JAKMIP3: variants seen among roughly 807,000 people sequenced by gnomAD.
JAKMIP3 encodes the protein janus kinase and microtubule-interacting protein 3.
Under a neutral mutation model 118.5 loss-of-function variants are expected in JAKMIP3, and 58 were observed. The ratio of observed to expected loss-of-function variants is 0.49; its 90% confidence interval spans 0.40 to 0.61. The LOEUF is 0.61. Among genes scored for constraint, JAKMIP3 ranks in the 20% least tolerant of loss-of-function variants. The pLI, the probability that JAKMIP3 is intolerant of heterozygous loss-of-function variation, is 0.00. For synonymous variants in JAKMIP3, 486 were observed against 451.2 expected, an observed-to-expected ratio of 1.08 and a Z score of -0.98; for missense variants, 950 against 1,109.0, an observed-to-expected ratio of 0.86 and a Z score of 2.04.
chr10:132,112,563 C>T lies in JAKMIP3; in HGVS notation c.136-4514C>T, dbSNP rs539962590. Among the ~76,000 whole-genome samples the T allele has an allele frequency of 3.3e-5, 5 of 152,152 alleles. No homozygotes were observed. Among genetic ancestry groups the T allele is most frequent in the African/African-American group, 7.2e-5 (3 of 41,424 alleles). ...TTCAGTGTTTTTGTCTACAAAGTCC[C>T]GCTTGGCTCTGTGTTCACAGAGATT... On this transcript the variant is annotated intron_variant, in intron 2 of 23. Transcript: ENST00000684848. The surrounding 1 kb of genome is among the most constrained non-coding windows in gnomAD (Gnocchi z 4.3).
rs761267839 is a variant in JAKMIP3, at chr10:132,117,725, G to T, written c.633+151G>T. 6.6e-6 allele frequency among the ~76,000 whole-genome samples: 1 copy of T among 152,100 alleles called. No homozygotes were observed. Among genetic ancestry groups the T allele is most frequent in the Non-Finnish European group, 1.5e-5 (1 of 68,006 alleles). Reference sequence around the variant, plus strand: ...ACCCCCCATGACATTCTTAGCACAGGCTCCTCATGCCACCCCTGTTGGTTT... The same window carrying T: ...ACCCCCCATGACATTCTTAGCACAGTCTCCTCATGCCACCCCTGTTGGTTT... On this transcript the variant is annotated intron_variant, in intron 3 of 23. Coordinates refer to ENST00000684848, the MANE Select transcript of JAKMIP3 (RefSeq NM_001323087.2). The surrounding 1 kb of genome is among the most constrained non-coding windows in gnomAD (Gnocchi z 8.6).
At chr10:132,065,524 C>T (rs533733089), upstream of JAKMIP3, among the ~76,000 whole-genome samples, 24 of 152,222 alleles carry the variant, frequency 1.6e-4, 1 homozygote, top group East Asian at 7.8e-4. The surrounding 1 kb of genome is among the most constrained non-coding windows in gnomAD (Gnocchi z 5.6). Context: ...GGTCCTGGAG[C>T]AGCCAGGAAG....
Position 132,118,176 on chromosome 10 carries a change from GT to G in JAKMIP3, c.633+606del, listed in dbSNP as rs913783474. ...TTGGGCTGGACCAGATGAGCTGCCG[GT>G]TTTGTGGATCAATGAGGTCTAACGT... On this transcript the variant is annotated intron_variant, in intron 3 of 23. Coordinates refer to ENST00000684848, the MANE Select transcript of JAKMIP3 (RefSeq NM_001323087.2). The surrounding 1 kb of genome is among the most constrained non-coding windows in gnomAD (Gnocchi z 4.8). Among the ~76,000 whole-genome samples, 1 of 152,184 alleles carries G rather than the reference GT, an allele frequency of 6.6e-6. No individual in the cohort carries two copies. The highest frequency in any genetic ancestry group is 2.4e-5 in the African/African-American group (1 of 41,434).
chr10:132,153,627 G>T, intron 17 of JAKMIP3, 132 bp from the exon 18 acceptor site: 2 of 848,848 alleles, frequency 2.4e-6, no homozygotes, highest in Non-Finnish European at 4.0e-6. Context: ...CCTGGAGAGG[G>T]CTGTGCTCTC....
intron 1 of JAKMIP3, among the ~76,000 whole-genome samples, chr10:132,103,409 AGAGGAGCAGCTGGAGGG>A (rs1002120821): frequency 5.6e-5 from 4 of 71,602 alleles, no homozygotes; most frequent in African/African-American, 8.0e-5. Flanking sequence ...CACCTGGGGG[AGAGGAGCAGCTGGAGGG>A]GAGGAGCACC....
chr10:132,043,110 T>C (rs1294831506), intron 1 of JAKMIP3, among the ~76,000 whole-genome samples: 1 of 152,242 alleles, frequency 6.6e-6, no homozygotes, highest in East Asian at 1.9e-4. Context: ...ACAAAAGGCT[T>C]TTCCTGGTTG....
chr10:132,040,772 C>T lies in JAKMIP3; in HGVS notation c.-138+4034C>T, dbSNP rs191626142. ...CCCTTGGTGGTTGGTGCAGGTTCAG[C>T]GCAGAATAGCAGATTTCTGGAGGTT... On this transcript the variant is annotated intron_variant, in intron 1 of 23. Transcript: ENST00000657785. 5.9e-3 allele frequency among the ~76,000 whole-genome samples: 891 copies of T among 151,950 alleles called. 2 individuals are homozygous for T. The highest frequency in any genetic ancestry group is 5.8e-3 in the Non-Finnish European group (394 of 67,994).
intron 1 of JAKMIP3, among the ~76,000 whole-genome samples, chr10:132,040,075 C>T (rs1382173428): frequency 6.6e-6 from 1 of 152,214 alleles, no homozygotes; most frequent in Non-Finnish European, 1.5e-5. Flanking sequence ...TTGTGTCCCC[C>T]AAGTTCACAG....
At chr10:132,144,994 A>T in intron 11 of JAKMIP3, 113 bp from the exon 12 acceptor site, 1 of 779,572 alleles carries the variant, frequency 1.3e-6, no homozygotes, top group Non-Finnish European at 2.1e-6. Context: ...GCGAACAGTC[A>T]CTTCTCAATG....
Position 132,138,130 on chromosome 10 carries a change from G to A in JAKMIP3, c.1296G>A (p.Lys432=), listed in dbSNP as rs1448956470. ...GYVKSVLERD[K]LLRFRKQRKK... ...ACTGGCTTCCGCAGGAGCGGGACAAGCTGTTAAGATTCCGGAAGCAAAGAA... is the reference window on the plus strand; with the variant it reads ...ACTGGCTTCCGCAGGAGCGGGACAAACTGTTAAGATTCCGGAAGCAAAGAA... Residue 432 remains lysine (K), a synonymous_variant, in exon 9 of 24, where the codon AAG becomes AAA. Coordinates refer to ENST00000684848, the MANE Select transcript of JAKMIP3 (RefSeq NM_001323087.2). 1.2e-6 allele frequency: 2 copies of A among 1,612,090 alleles called. No homozygotes were observed. Among genetic ancestry groups the A allele is most frequent in the Middle Eastern group, 1.6e-4 (1 of 6,084 alleles).
chr10:132,181,688 G>A (rs2061498611), intron 23 of JAKMIP3: 1 of 152,210 alleles, frequency 6.6e-6, no homozygotes, highest in Non-Finnish European at 1.5e-5. Flanking sequence ...TTCTGTTTGA[G>A]GTAATATCTT....
At chr10:132,180,104 A>G (rs1020692901) in intron 23 of JAKMIP3, among the ~76,000 whole-genome samples, 5 of 152,316 alleles carry the variant, frequency 3.3e-5, no homozygotes, top group Middle Eastern at 6.8e-3. Context: ...TTTGCCATGA[A>G]TCACATTGTT....
intron 23 of JAKMIP3, among the ~76,000 whole-genome samples, chr10:132,178,409 A>G (rs2060389977): frequency 6.6e-6 from 1 of 152,030 alleles, no homozygotes; most frequent in South Asian, 2.1e-4. Context: ...TCTGTTTCAT[A>G]TTTTCCCCAA....
chr10:132,046,559 C>A (rs1285330188), intron 1 of JAKMIP3, among the ~76,000 whole-genome samples: 1 of 152,162 alleles, frequency 6.6e-6, no homozygotes, highest in African/African-American at 2.4e-5. Context: ...GTCCAGCTCG[C>A]CCAACCTCAC....
chr10:132,075,899 C>A lies in JAKMIP3; in HGVS notation c.-138+9838C>A, dbSNP rs116316753. ...TGACAACACCTCCTCCCCTGAGGAACTTCCTTAGCAGTTTTTGTAGTGTAG... is the reference window on the plus strand; with the variant it reads ...TGACAACACCTCCTCCCCTGAGGAAATTCCTTAGCAGTTTTTGTAGTGTAG... On this transcript the variant is annotated intron_variant, in intron 1 of 23. Transcript: ENST00000684848. 3.7e-3 allele frequency among the ~76,000 whole-genome samples: 553 copies of A among 148,844 alleles called. 2 individuals are homozygous for A. Among genetic ancestry groups the A allele is most frequent in the African/African-American group, 0.013 (528 of 40,268 alleles).
chr10:132,178,725 G>A (rs1048452033), intron 23 of JAKMIP3, among the ~76,000 whole-genome samples: 6 of 152,188 alleles, frequency 3.9e-5, no homozygotes, highest in South Asian at 2.1e-4. Flanking sequence ...TGTAGGTCCC[G>A]AGCCTTCCAG....
chr10:132,065,128 C>A (rs1236726008), upstream of JAKMIP3, among the ~76,000 whole-genome samples: 1 of 152,130 alleles, frequency 6.6e-6, no homozygotes, highest in African/African-American at 2.4e-5. The surrounding 1 kb of genome is among the most constrained non-coding windows in gnomAD (Gnocchi z 5.6). Context: ...AGGCCACCCG[C>A]ACCGGCAGCC....
chr10:132,098,004 C>T (rs71512278), intron 1 of JAKMIP3, among the ~76,000 whole-genome samples: 1,069 of 49,064 alleles, frequency 0.022, 279 homozygotes, highest in East Asian at 0.039. Flanking sequence ...TCCCCTTCCC[C>T]TCCTTCCTTT....
At chr10:132,178,904 A>G (rs1285110005) in intron 23 of JAKMIP3, among the ~76,000 whole-genome samples, 7 of 152,220 alleles carry the variant, frequency 4.6e-5, no homozygotes, top group Middle Eastern at 6.8e-3. Context: ...TTTGACATCA[A>G]TCAGAATGCT....
Sources: allele counts gnomAD v4.1 joint callset (sites outside exome capture counted in the v4.1 genomes callset), GRCh38; gene constraint gnomAD v4.1.1; non-coding constraint Gnocchi (gnomAD v3.1); transcripts MANE v1.5; gene names NCBI Gene and HGNC (gene_info 2026-07-23, HGNC 2026-07-21).